Variants in LATS2 observed in about 807,000 individuals in gnomAD.
LATS2 encodes the protein large tumor suppressor kinase 2, also known as serine/threonine-protein kinase LATS2.
In LATS2, 24 loss-of-function variants were observed where a neutral mutation model predicts 76.0. That is an observed-to-expected ratio of 0.32 (90% CI 0.23 to 0.44). The LOEUF (loss-of-function observed/expected upper bound fraction) is 0.44, where lower values mean the gene tolerates loss of function less well. Ranked by LOEUF, LATS2 falls within the 20% of genes least tolerant of loss-of-function variation. The pLI is 1.00. For synonymous variants in LATS2, 692 were observed against 635.4 expected (o/e 1.09, Z -1.34); for missense variants, 1,286 against 1,481.2 (o/e 0.87, Z 2.16).
At chr13:21,039,988 A>C (rs1270493392) in intron 2 of LATS2, among the ~76,000 whole-genome samples, 1 of 151,874 alleles carries the variant, frequency 6.6e-6, no homozygotes, top group Non-Finnish European at 1.5e-5. Context: ...CAGGAGAATC[A>C]CTTGAATCCG....
intron 2 of LATS2, among the ~76,000 whole-genome samples, chr13:20,994,899 A>G (rs886201140): frequency 6.6e-6 from 1 of 152,134 alleles, no homozygotes; most frequent in African/African-American, 2.4e-5. Flanking sequence ...AGAAGAATGT[A>G]TAAAGATCAT....
chr13:20,996,939 A>C (rs547760697), intron 2 of LATS2, among the ~76,000 whole-genome samples: 2 of 152,350 alleles, frequency 1.3e-5, no homozygotes, highest in African/African-American at 4.8e-5. Flanking sequence ...AGTAGGGCTA[A>C]ATACTATGGC....
intron 6 of LATS2, among the ~76,000 whole-genome samples, chr13:20,980,377 C>T (rs1036364618): frequency 2.0e-5 from 3 of 152,174 alleles, no homozygotes; most frequent in African/African-American, 7.2e-5. Context: ...AGGCTAGGCT[C>T]GTTTACCTCT....
intron 1 of LATS2, among the ~76,000 whole-genome samples, chr13:21,059,574 G>A (rs556280576): frequency 1.4e-4 from 21 of 152,036 alleles, no homozygotes; most frequent in Non-Finnish European, 2.6e-4. Context: ...CAGCCTGGGC[G>A]ACAGAGCAAG....
chr13:20,988,160 C>T lies in LATS2; in HGVS notation c.1620G>A (p.Met540Ile), dbSNP rs1870256045. The change falls in exon 4 of 8, where the codon ATG becomes ATA. Residue 540 changes from methionine (M) to isoleucine (I), a missense_variant. This residue lies in a region of LATS2 where 710 missense variants were observed against 660.9 expected (regional missense o/e 1.07). Transcript: ENST00000382592. ...TGGGGCCCGCACGGAGGCTCTGCTC[C>T]ATGCCTGCGCACAGGCTGTCCAGGT... Reference protein sequence around the residue: ...QYDLDSLCAGMEQSLRAGPNE... With the variant: ...QYDLDSLCAGIEQSLRAGPNE... 6.2e-7 allele frequency: 1 copy of T among 1,613,896 alleles called. No individual in the cohort carries two copies. The highest frequency in any genetic ancestry group is 1.3e-5 in the African/African-American group (1 of 74,944).
chr13:21,036,967 G>A (rs781050017), intron 2 of LATS2, among the ~76,000 whole-genome samples: 7 of 152,150 alleles, frequency 4.6e-5, no homozygotes, highest in Non-Finnish European at 7.3e-5. Flanking sequence ...CAACATTTAC[G>A]CTAGTAATTC....
In LATS2 at chr13:20,989,013, G is replaced by A. The variant is rs774128777; in HGVS notation, c.767C>T (p.Pro256Leu). ...GGGTTCCCCAGGCACCAGCAGGTGC[G>A]GCCGCCCGTAGTGCGCGCCCTGCAG... ...FPLQGAHYGR[P>L]HLLVPGEPLG... Residue 256 changes from proline (P) to leucine (L), a missense_variant, in exon 4 of 8, where the codon CCG becomes CTG. Pro to Leu is a moderately conservative substitution (Grantham distance 98, BLOSUM62 -3). This residue lies in a region of LATS2 where 710 missense variants were observed against 660.9 expected (regional missense o/e 1.07). Transcript: ENST00000382592. 34 of 1,550,918 alleles carry A rather than the reference G, an allele frequency of 2.2e-5. No individual in the cohort carries two copies. Among genetic ancestry groups the A allele is most frequent in the East Asian group, 1.9e-4 (8 of 41,824 alleles).
In LATS2 at chr13:21,061,368, C is replaced by G. The variant is rs370269023; in HGVS notation, c.-227G>C. On this transcript the variant is annotated 5_prime_UTR_variant, in exon 1 of 8. Transcript: ENST00000382592. ...CACCTCCAGGGGCGCGGTCTACACC[C>G]TCGGGGGCGTCCTGGCCGGCGGCTC... The G allele has an allele frequency of 6.6e-6, 1 of 152,428 alleles. No individual in the cohort carries two copies. The highest frequency in any genetic ancestry group is 2.1e-4 in the South Asian group (1 of 4,832). 9.4% of individuals were successfully genotyped at this position (152,428 alleles called of 1,614,324 possible). A position where few individuals can be genotyped will look rare whatever the true frequency, so the allele number is the denominator to read the frequency against.
rs575759950 is a variant in LATS2, at chr13:20,979,711, G to T, written c.2752C>A (p.Pro918Thr). The change falls in exon 7 of 8, where the codon CCC becomes ACC. Residue 918 changes from proline to threonine, a missense_variant. Physicochemically the swap from Pro to Thr is conservative, Grantham distance 38. Around this residue, in one of 5 missense-constraint regions of LATS2, gnomAD observed 210 missense variants for 234.9 expected, o/e 0.89. Coordinates refer to ENST00000382592, the MANE Select transcript of LATS2 (RefSeq NM_014572.3). ...ATTACCTTCAGCTGGGTTTCTGTGG[G>T]AGTAGGTGCCAAAAAGGGCGGCTGC... is the stretch of plus-strand genomic sequence containing the variant. ...VGQPPFLAPT[P>T]TETQLKVINW... The T allele has an allele frequency of 7.5e-6, 12 of 1,609,366 alleles. No homozygotes were observed. Among genetic ancestry groups the T allele is most frequent in the Admixed American group, 1.7e-5 (1 of 59,958 alleles).
chr13:20,983,650 A>C lies in LATS2; in HGVS notation c.2056T>G (p.Cys686Gly). 6.2e-7 allele frequency: 1 copy of C among 1,614,018 alleles called. No homozygotes were observed. Among genetic ancestry groups the C allele is most frequent in the Non-Finnish European group, 8.5e-7 (1 of 1,180,010 alleles). Residue 686 changes from cysteine to glycine, a missense_variant, in exon 5 of 8, where the codon TGT becomes GGT. By Grantham distance (159) the Cys-to-Gly change is radical. Around this residue, in one of 5 missense-constraint regions of LATS2, gnomAD observed 247 missense variants for 385.4 expected, o/e 0.64. Coordinates refer to ENST00000382592, the MANE Select transcript of LATS2 (RefSeq NM_014572.3). ...TACAGGGCGTGAGTGTCCACCTTACAAGCAAGGCACACTTCTCCAAAGGCA... is the reference window on the plus strand; with the variant it reads ...TACAGGGCGTGAGTGTCCACCTTACCAGCAAGGCACACTTCTCCAAAGGCA... Reference protein sequence around the residue: ...IGAFGEVCLACKVDTHALYAM... With the variant: ...IGAFGEVCLAGKVDTHALYAM...
rs1332169932 is a variant in LATS2, at chr13:20,991,191, G to A, written c.475+81C>T. 1.9e-6 allele frequency: 3 copies of A among 1,558,738 alleles called. No homozygotes were observed. Among genetic ancestry groups the A allele is most frequent in the Non-Finnish European group, 2.6e-6 (3 of 1,139,134 alleles). On this transcript the variant is annotated intron_variant, in intron 3 of 7. Transcript: ENST00000382592. This position sits in a 1 kb window ranked among gnomAD's most constrained non-coding sequence, Gnocchi z 4.9. ...GACTGGCTCTGGCCAGGCCAGGCCAGGTTGGACCCCTCTGCACGTGGTTTT... is the reference window on the plus strand; with the variant it reads ...GACTGGCTCTGGCCAGGCCAGGCCAAGTTGGACCCCTCTGCACGTGGTTTT...
At position 21,021,680 on chromosome 13, in the gene LATS2, C is replaced by T. The variant is rs572914756; in HGVS notation, c.342+24005G>A. Among the ~76,000 whole-genome samples, 44 of 152,222 alleles carry T rather than the reference C, an allele frequency of 2.9e-4. 1 individual carries two copies. The South Asian group carries it at 8.7e-3, about 30-fold the overall frequency. ...AGCTTAATTTTTGAAGAATTGAGGA[C>T]ACCTTCCCAACCACTGATGTGTGGC... On this transcript the variant is annotated intron_variant, in intron 2 of 7. Coordinates refer to ENST00000382592, the MANE Select transcript of LATS2 (RefSeq NM_014572.3).
intron 2 of LATS2, among the ~76,000 whole-genome samples, chr13:21,043,467 T>C (rs1324075536): frequency 6.6e-6 from 1 of 152,200 alleles, no homozygotes; most frequent in African/African-American, 2.4e-5. Flanking sequence ...CTACCTGAAT[T>C]TTCTGAACGC....
intron 2 of LATS2, among the ~76,000 whole-genome samples, chr13:21,000,332 G>A (rs181056923): frequency 6.6e-6 from 1 of 152,148 alleles, no homozygotes; most frequent in Non-Finnish European, 1.5e-5. Context: ...AATGAGCCGA[G>A]ATTGCACCAC....
intron 2 of LATS2, among the ~76,000 whole-genome samples, chr13:21,042,773 G>A (rs1378683209): frequency 6.7e-6 from 1 of 149,054 alleles, no homozygotes; most frequent in Non-Finnish European, 1.5e-5. Flanking sequence ...CGGATCACAA[G>A]GTCAGGAGAT....
chr13:21,036,126 C>G (rs1872677541), intron 2 of LATS2, among the ~76,000 whole-genome samples: 1 of 152,106 alleles, frequency 6.6e-6, no homozygotes, highest in Non-Finnish European at 1.5e-5. Context: ...GAACACCCGA[C>G]CTCGGATGAT....
At chr13:21,009,254 G>A (rs975595042) in intron 2 of LATS2, among the ~76,000 whole-genome samples, 1 of 152,230 alleles carries the variant, frequency 6.6e-6, no homozygotes, top group Non-Finnish European at 1.5e-5. Flanking sequence ...CACGTGGTCA[G>A]CTCTTGGAAG....
chr13:21,057,074 T>C (rs966831033), intron 1 of LATS2, among the ~76,000 whole-genome samples: 1 of 152,232 alleles, frequency 6.6e-6, no homozygotes, highest in African/African-American at 2.4e-5. Flanking sequence ...TTAGCATTCC[T>C]GCTCAAGATA....
At chr13:21,053,053 G>A (rs894310570) in intron 1 of LATS2, among the ~76,000 whole-genome samples, 6 of 151,884 alleles carry the variant, frequency 4.0e-5, no homozygotes, top group Non-Finnish European at 5.9e-5. Context: ...TGGCCAACAC[G>A]GTGAAACCCT....
Sources: allele counts gnomAD v4.1 joint callset (sites outside exome capture counted in the v4.1 genomes callset), GRCh38; gene constraint gnomAD v4.1.1; regional missense constraint gnomAD v4.1.1; non-coding constraint Gnocchi (gnomAD v3.1); transcripts MANE v1.5; gene names NCBI Gene and HGNC (gene_info 2026-07-23, HGNC 2026-07-21).